CAMTA1: variants seen among roughly 807,000 people sequenced by gnomAD.
The protein encoded by CAMTA1 is calmodulin binding transcription activator 1, also known as calmodulin-binding transcription activator 1.
In CAMTA1, 27 loss-of-function variants were observed where a neutral mutation model predicts 170.9. That is an observed-to-expected ratio of 0.16 (90% CI 0.12 to 0.22). CAMTA1 has a LOEUF of 0.22. CAMTA1 is among the 10% of genes least tolerant of loss of function. The pLI is 1.00. For missense variants in CAMTA1, 1,619 were observed against 2,217.2 expected, an observed-to-expected ratio of 0.73 and a Z score of 5.42; for synonymous variants, 833 against 891.5, an observed-to-expected ratio of 0.93 and a Z score of 1.17.
chr1:7,132,724 G>C (rs1317301323), intron 4 of CAMTA1, among the ~76,000 whole-genome samples: 1 of 152,138 alleles, frequency 6.6e-6, no homozygotes, highest in African/African-American at 2.4e-5. Flanking sequence ...TATAGCTATA[G>C]AGTATTATCA....
chr1:7,020,363 A>AT (rs770344644), intron 3 of CAMTA1, among the ~76,000 whole-genome samples: 11 of 152,366 alleles, frequency 7.2e-5, no homozygotes, highest in Non-Finnish European at 1.3e-4. Flanking sequence ...TCAGTATAGC[A>AT]ACATGCTGCA....
At chr1:7,257,081 GC>G (rs369747717) in intron 5 of CAMTA1, among the ~76,000 whole-genome samples, 5,532 of 150,354 alleles carry the variant, frequency 0.037, 399 homozygotes, top group African/African-American at 0.12. Context: ...CATGGCGGGG[GC>G]GGGGGTTGGT....
Position 7,456,733 on chromosome 1 carries a change from G to T in CAMTA1, c.439-11097G>T, listed in dbSNP as rs551668084. 5.9e-5 allele frequency among the ~76,000 whole-genome samples: 9 copies of T among 152,376 alleles called. No homozygotes were observed. The East Asian group carries it at 1.7e-3, about 29-fold the overall frequency. On this transcript the variant is annotated intron_variant, in intron 5 of 22. Transcript: ENST00000303635. The surrounding 1 kb of genome is among the most constrained non-coding windows in gnomAD (Gnocchi z 4.9). ...TCCCGCTTGGCTGGGCCTGTGCAGG[G>T]TGAGGAGCTGGGCTGCCTTCCCCAA...
chr1:6,979,263 C>G (rs564734980), intron 3 of CAMTA1, among the ~76,000 whole-genome samples: 2 of 152,166 alleles, frequency 1.3e-5, no homozygotes, highest in African/African-American at 4.8e-5. Flanking sequence ...ACAGGGTCTC[C>G]GGCACAGGGG....
chr1:6,979,944 G>C (rs751028202), intron 3 of CAMTA1, among the ~76,000 whole-genome samples: 4 of 152,136 alleles, frequency 2.6e-5, no homozygotes, highest in African/African-American at 7.2e-5. Context: ...CACTATGTGC[G>C]CATGAAGACG....
At chr1:7,187,428 A>AT (rs1010675781) in intron 4 of CAMTA1, among the ~76,000 whole-genome samples, 10 of 152,150 alleles carry the variant, frequency 6.6e-5, no homozygotes, top group South Asian at 2.1e-4. Flanking sequence ...GCAGATGGTG[A>AT]TTTTTTTTAA....
At chr1:7,621,329 A>G (rs2095596841) in intron 6 of CAMTA1, among the ~76,000 whole-genome samples, 1 of 152,260 alleles carries the variant, frequency 6.6e-6, no homozygotes, top group Admixed American at 6.5e-5. Context: ...GGCCACAGCC[A>G]GAATACGTTG....
chr1:7,535,009 T>G (rs928572919), intron 6 of CAMTA1, among the ~76,000 whole-genome samples: 1 of 151,358 alleles, frequency 6.6e-6, no homozygotes, highest in African/African-American at 2.4e-5. Flanking sequence ...GCTAGGAAGA[T>G]CCCATCCAAA....
chr1:7,234,320 C>A lies in CAMTA1; in HGVS notation c.303-15171C>A, dbSNP rs992424513. Among the ~76,000 whole-genome samples, 1 of 152,302 alleles carries A rather than the reference C, an allele frequency of 6.6e-6. No homozygotes were observed. The highest frequency in any genetic ancestry group is 2.1e-4 in the South Asian group (1 of 4,824). ...CGCCTCCGCTTCCACCCAGATGCTG[C>A]GTCCTGGGAGAGGCCTCTTGGCTGC... On this transcript the variant is annotated intron_variant, in intron 4 of 22. Coordinates refer to ENST00000303635, the MANE Select transcript of CAMTA1 (RefSeq NM_015215.4). The surrounding 1 kb of genome is among the most constrained non-coding windows in gnomAD (Gnocchi z 5.0).
chr1:7,138,894 CTG>C (rs907198535), intron 4 of CAMTA1, among the ~76,000 whole-genome samples: 5 of 151,344 alleles, frequency 3.3e-5, no homozygotes, highest in Non-Finnish European at 7.4e-5. Flanking sequence ...ACTCAGTAGG[CTG>C]AGGCAGGAGA....
chr1:6,918,063 T>A lies in CAMTA1; in HGVS notation c.234+92853T>A, dbSNP rs1681227026. On this transcript the variant is annotated intron_variant, in intron 3 of 22. Coordinates refer to ENST00000303635, the MANE Select transcript of CAMTA1 (RefSeq NM_015215.4). The surrounding 1 kb of genome is among the most constrained non-coding windows in gnomAD (Gnocchi z 4.0). ...AGAAGGCCCCAAATGCCCAAGTTCT[T>A]GGGCCTTGCTTGCTTGTCTCTAACT... is the stretch of plus-strand genomic sequence containing the variant. Among the ~76,000 whole-genome samples the A allele has an allele frequency of 6.6e-6, 1 of 152,136 alleles. No homozygotes were observed. Among genetic ancestry groups the A allele is most frequent in the Non-Finnish European group, 1.5e-5 (1 of 68,014 alleles).
chr1:6,979,161 T>C (rs558168026), intron 3 of CAMTA1, among the ~76,000 whole-genome samples: 31 of 152,212 alleles, frequency 2.0e-4, no homozygotes, highest in Admixed American at 7.8e-4. Context: ...CTGAAAGACA[T>C]TGGGGAGAGC....
In CAMTA1 at chr1:7,077,711, C is replaced by T. The variant is rs1009059726; in HGVS notation, c.235-13593C>T. The stretch of plus-strand genomic sequence containing the variant: ...TTGGGGGAAGGGTTAGGATGAGCAT[C>T]GGTGTTTTTCTGCAAGGAAACGTGG... On this transcript the variant is annotated intron_variant, in intron 3 of 22. Transcript: ENST00000303635. Among the ~76,000 whole-genome samples the T allele has an allele frequency of 7.2e-5, 11 of 151,796 alleles. 1 individual carries two copies. In the East Asian group the frequency reaches 7.7e-4, roughly 11 times the overall value.
intron 1 of CAMTA1, among the ~76,000 whole-genome samples, chr1:6,795,386 G>A (rs1265484971): frequency 6.6e-6 from 1 of 151,816 alleles, no homozygotes; most frequent in Non-Finnish European, 1.5e-5. Context: ...TAGAGGTGGG[G>A]TCTTGCTGTA....
intron 3 of CAMTA1, among the ~76,000 whole-genome samples, chr1:6,851,017 T>G (rs1224397764): frequency 6.6e-6 from 1 of 152,124 alleles, no homozygotes; most frequent in Admixed American, 6.6e-5. Flanking sequence ...ACTCAGAACC[T>G]CAGATGAGCT....
At chr1:6,808,759 G>A (rs1231861888) in intron 1 of CAMTA1, among the ~76,000 whole-genome samples, 1 of 152,166 alleles carries the variant, frequency 6.6e-6, no homozygotes, top group Non-Finnish European at 1.5e-5. Flanking sequence ...GAGCAAATAG[G>A]AAGGACTAGA....
At chr1:7,647,626 G>C (rs1274812132) in intron 7 of CAMTA1, among the ~76,000 whole-genome samples, 1 of 152,194 alleles carries the variant, frequency 6.6e-6, no homozygotes, top group Non-Finnish European at 1.5e-5. Flanking sequence ...AGCAGCAGGA[G>C]ACCCTAGGGA....
intron 6 of CAMTA1, among the ~76,000 whole-genome samples, chr1:7,607,355 A>G (rs1193634870): frequency 6.8e-6 from 1 of 146,816 alleles, no homozygotes; most frequent in Non-Finnish European, 1.5e-5. Context: ...TAGATGGAAG[A>G]TAGGTGGATG....
intron 3 of CAMTA1, among the ~76,000 whole-genome samples, chr1:7,033,507 C>G (rs982013236): frequency 6.6e-6 from 1 of 151,666 alleles, no homozygotes; most frequent in African/African-American, 2.4e-5. Context: ...TCTTTGTATG[C>G]CTGGGAATTT....
Sources: allele counts gnomAD v4.1 joint callset (sites outside exome capture counted in the v4.1 genomes callset), GRCh38; gene constraint gnomAD v4.1.1; non-coding constraint Gnocchi (gnomAD v3.1); transcripts MANE v1.5; gene names NCBI Gene and HGNC (gene_info 2026-07-23, HGNC 2026-07-21).